NCOR1: variants seen among roughly 807,000 people sequenced by gnomAD.
NCOR1 encodes the protein nuclear receptor corepressor 1, also known as protein phosphatase 1, regulatory subunit 109.
A neutral mutation model predicts 288.1 loss-of-function variants in NCOR1; 63 were observed. The observed-to-expected ratio is 0.22, with a 90% CI of 0.18 to 0.27. The LOEUF (loss-of-function observed/expected upper bound fraction) is 0.27, where lower values mean the gene tolerates loss of function less well. Ranked by LOEUF, NCOR1 falls within the 10% of genes least tolerant of loss-of-function variation. NCOR1 has a pLI of 1.00. For synonymous variants in NCOR1, 1,007 were observed against 1,065.9 expected, an observed-to-expected ratio of 0.94 and a Z score of 1.08; for missense variants, 2,397 against 3,019.2, an observed-to-expected ratio of 0.79 and a Z score of 4.83.
intron 18 of NCOR1, among the ~76,000 whole-genome samples, chr17:16,115,118 A>G (rs2071309111): frequency 6.6e-6 from 1 of 152,174 alleles, no homozygotes; most frequent in Non-Finnish European, 1.5e-5. Flanking sequence ...TGGAAGCTGC[A>G]AAGGCTTGGG....
chr17:16,211,054 A>G (rs1476800974), intron 1 of NCOR1, among the ~76,000 whole-genome samples: 1 of 151,892 alleles, frequency 6.6e-6, no homozygotes, highest in Non-Finnish European at 1.5e-5. Flanking sequence ...CAATCATCAA[A>G]TCGATTCATC....
intron 8 of NCOR1, among the ~76,000 whole-genome samples, chr17:16,151,164 C>G (rs2078797009): frequency 6.6e-6 from 1 of 151,248 alleles, no homozygotes; most frequent in Non-Finnish European, 1.5e-5. Context: ...TTGTCACAAA[C>G]TAAGAATAAT....
intron 28 of NCOR1, 59 bp downstream of exon 28, chr17:16,073,370 G>A: frequency 3.5e-6 from 5 of 1,431,256 alleles, no homozygotes; most frequent in Non-Finnish European, 4.6e-6. Context: ...ATTCAACAAT[G>A]CAAAATTACT....
At chr17:16,072,606 G>T (rs2061888439) in intron 28 of NCOR1, among the ~76,000 whole-genome samples, 1 of 152,154 alleles carries the variant, frequency 6.6e-6, no homozygotes. Context: ...TAAAAATAGG[G>T]AAAATGTATT....
At chr17:16,179,040 T>C (rs1343274243) in intron 3 of NCOR1, among the ~76,000 whole-genome samples, 3 of 152,102 alleles carry the variant, frequency 2.0e-5, no homozygotes, top group South Asian at 2.1e-4. Flanking sequence ...GAGGCAGAGG[T>C]TGCAGTGAGT....
chr17:16,101,244 C>A lies in NCOR1; in HGVS notation c.2690+6G>T. ...GCACGGGGAGGACTTATGGAACGAGCCTCACCTCTGCCTCTCTGGCTCTCC... is the reference window on the plus strand; with the variant it reads ...GCACGGGGAGGACTTATGGAACGAGACTCACCTCTGCCTCTCTGGCTCTCC... On this transcript the variant is annotated splice_donor_region_variant and intron_variant, in intron 20 of 45. Transcript: ENST00000268712. The A allele has an allele frequency of 6.3e-7, 1 of 1,576,694 alleles. No individual in the cohort carries two copies. The highest frequency in any genetic ancestry group is 8.6e-7 in the Non-Finnish European group (1 of 1,161,956).
At chr17:16,136,081 CTGATCAGTTATT>C (rs2076355142) in intron 14 of NCOR1, among the ~76,000 whole-genome samples, 1 of 152,210 alleles carries the variant, frequency 6.6e-6, no homozygotes, top group Non-Finnish European at 1.5e-5. Context: ...ATGGCAGCTG[CTGATCAGTTATT>C]TGGGGAAAAT....
At position 16,196,642 on chromosome 17, in the gene NCOR1, G is replaced by A. The variant is rs528093995; in HGVS notation, c.-70-2003C>T. On this transcript the variant is annotated intron_variant, in intron 1 of 45. Transcript: ENST00000268712. ...AGATCGAGACCATCCTGGCTAACGC[G>A]GTGAAACCCTGTCTCTACTAAAAAT... 5.9e-5 allele frequency among the ~76,000 whole-genome samples: 9 copies of A among 152,108 alleles called. No homozygotes were observed. The East Asian group carries it at 1.5e-3, about 26-fold the overall frequency.
At chr17:16,144,867 T>C (rs563851092) in intron 10 of NCOR1, among the ~76,000 whole-genome samples, 53 of 149,084 alleles carry the variant, frequency 3.6e-4, no homozygotes, top group African/African-American at 1.3e-3. Flanking sequence ...TGTACCACCA[T>C]GATCTCCTCC....
chr17:16,207,966 A>C (rs1023389064), intron 1 of NCOR1, among the ~76,000 whole-genome samples: 1 of 149,558 alleles, frequency 6.7e-6, no homozygotes, highest in Non-Finnish European at 1.5e-5. Context: ...AAACTAGTCG[A>C]TATTATTCTT....
In NCOR1 at chr17:16,114,491, G is replaced by A. The variant is rs139843963; in HGVS notation, c.2055+3397C>T. Among the ~76,000 whole-genome samples, 435 of 152,300 alleles carry A rather than the reference G, an allele frequency of 2.9e-3. 5 individuals are homozygous for A. In the East Asian group the frequency reaches 0.035, roughly 12 times the overall value. On this transcript the variant is annotated intron_variant, in intron 18 of 45. Coordinates refer to ENST00000268712, the MANE Select transcript of NCOR1 (RefSeq NM_006311.4). ...AAGTCCATAGCCCAAAGTCTCATCT[G>A]AGACAAGGCAAGTCCCTTCCCCTAT... is the stretch of plus-strand genomic sequence containing the variant.
rs2080427124 is a variant in NCOR1, at chr17:16,159,681, C to T, written c.619-808G>A. Among the ~76,000 whole-genome samples, 5 of 152,156 alleles carry T rather than the reference C, an allele frequency of 3.3e-5. No individual in the cohort carries two copies. In the South Asian group the frequency reaches 1.0e-3, roughly 32 times the overall value. On this transcript the variant is annotated intron_variant, in intron 5 of 45. Transcript: ENST00000268712. ...CCCAATCTTCATGTGTTACAGTGCT[C>T]CGGTCAAAGGGCAATCAACAAAATT...
chr17:16,074,257 G>A (rs1306217982), intron 27 of NCOR1, among the ~76,000 whole-genome samples: 1 of 152,136 alleles, frequency 6.6e-6, no homozygotes, highest in Non-Finnish European at 1.5e-5. Flanking sequence ...TTATATCCAG[G>A]GTGATGGAAA....
In NCOR1 at chr17:16,142,024, T is replaced by C. The variant is rs564075074; in HGVS notation, c.1173+1582A>G. Among the ~76,000 whole-genome samples, 99 of 152,316 alleles carry C rather than the reference T, an allele frequency of 6.5e-4. 2 individuals carry two copies. Among genetic ancestry groups the C allele is most frequent in the African/African-American group, 2.3e-3 (95 of 41,570 alleles). ...ATACATATGAGGTGCTTATCACAAT[T>C]GGCAATTTTAAGTAGTAACTACCCC... On this transcript the variant is annotated intron_variant, in intron 11 of 45. Coordinates refer to ENST00000268712, the MANE Select transcript of NCOR1 (RefSeq NM_006311.4).
chr17:16,178,678 C>G (rs2084753432), intron 3 of NCOR1, among the ~76,000 whole-genome samples: 1 of 151,958 alleles, frequency 6.6e-6, no homozygotes. Flanking sequence ...TTGACAATAG[C>G]TGTATGTCTT....
At chr17:16,183,214 A>T (rs1288205285) in intron 3 of NCOR1, among the ~76,000 whole-genome samples, 1 of 147,242 alleles carries the variant, frequency 6.8e-6, no homozygotes, top group Non-Finnish European at 1.5e-5. Flanking sequence ...TAGAAGTACT[A>T]GCAAGAGCAA....
chr17:16,032,807 T>A (rs1461796958), intron 45 of NCOR1, among the ~76,000 whole-genome samples: 1 of 152,182 alleles, frequency 6.6e-6, no homozygotes. Context: ...CAGAGTCAGG[T>A]TATAGCAAGA....
intron 18 of NCOR1, among the ~76,000 whole-genome samples, chr17:16,112,850 C>T (rs1035174813): frequency 3.3e-5 from 5 of 151,980 alleles, no homozygotes; most frequent in African/African-American, 1.2e-4. Flanking sequence ...ATATCAGAAA[C>T]TAAAACTAAG....
In NCOR1 at chr17:16,075,168, C is replaced by T. The variant is rs979849097; in HGVS notation, c.3670+366G>A. 2.2e-4 allele frequency among the ~76,000 whole-genome samples: 33 copies of T among 152,252 alleles called. No individual in the cohort carries two copies. In the East Asian group the frequency reaches 2.5e-3, roughly 12 times the overall value. On this transcript the variant is annotated intron_variant, in intron 27 of 45. Transcript: ENST00000268712. The stretch of plus-strand genomic sequence containing the variant: ...GATAGTAGATAGGCGTGAACCACCG[C>T]GCCCAGCCTATCTACCCTCTAATTC...
Sources: allele counts gnomAD v4.1 joint callset (sites outside exome capture counted in the v4.1 genomes callset), GRCh38; gene constraint gnomAD v4.1.1; transcripts MANE v1.5; gene names NCBI Gene and HGNC (gene_info 2026-07-23, HGNC 2026-07-21).